The following TMED3 variants were observed in gnomAD, a reference collection of about 807,000 sequenced individuals.
TMED3 encodes the protein transmembrane p24 trafficking protein 3, also known as transmembrane emp24 domain-containing protein 3.
A neutral mutation model predicts 15.0 loss-of-function variants in TMED3; 9 were observed. The ratio of observed to expected loss-of-function variants is 0.60; its 90% CI spans 0.36 to 1.04. The LOEUF is 1.04. Among genes scored for constraint, TMED3 ranks in the 50% least tolerant of loss-of-function variants. The probability of loss-of-function intolerance (pLI) is 0.01; values close to 1 mark genes in which losing one functional copy is unlikely to be tolerated. For missense variants in TMED3, 267 were observed against 278.9 expected, an observed-to-expected ratio of 0.96 and a Z score of 0.30; for synonymous variants, 117 against 121.4, an observed-to-expected ratio of 0.96 and a Z score of 0.24.
At chr15:79,353,267 T>C (rs1468866655) in intron 2 of TMED3, among the ~76,000 whole-genome samples, 98 of 59,312 alleles carry the variant, frequency 1.7e-3, no homozygotes, top group African/African-American at 4.2e-3. Context: ...ATATATTATA[T>C]ATAATATATA....
chr15:79,332,014 C>T (rs2058811235), intron 2 of TMED3, among the ~76,000 whole-genome samples: 1 of 152,158 alleles, frequency 6.6e-6, no homozygotes, highest in African/African-American at 2.4e-5. Flanking sequence ...GATTGTACCA[C>T]TGCACTCCAG....
At chr15:79,351,805 C>G (rs932154325) in intron 2 of TMED3, among the ~76,000 whole-genome samples, 17 of 152,054 alleles carry the variant, frequency 1.1e-4, no homozygotes, top group Non-Finnish European at 1.5e-4. Flanking sequence ...TTCACAATTG[C>G]AAAAATTTAG....
At chr15:79,411,373 A>G in intron 2 of TMED3, 1 of 701,964 alleles carries the variant, frequency 1.4e-6, no homozygotes. Flanking sequence ...CATCCTTTAA[A>G]TCTTTTTATC....
At chr15:79,351,621 T>A (rs1487866653) in intron 2 of TMED3, among the ~76,000 whole-genome samples, 1 of 152,170 alleles carries the variant, frequency 6.6e-6, no homozygotes, top group Non-Finnish European at 1.5e-5. Flanking sequence ...TTTACACTAT[T>A]GGTGGAAACG....
chr15:79,411,890 G>A (rs1893986206), exon 3 of TMED3: 2 of 188,392 alleles, frequency 1.1e-5, no homozygotes, highest in Admixed American at 1.1e-4. Context: ...AACCCTAGGG[G>A]GACTGTTGAA....
downstream of TMED3, among the ~76,000 whole-genome samples, chr15:79,327,123 C>T (rs1350135943): frequency 6.6e-6 from 1 of 152,170 alleles, no homozygotes; most frequent in African/African-American, 2.4e-5. Flanking sequence ...GATCTGCCCC[C>T]ATGGCCCAAA....
intron 2 of TMED3, among the ~76,000 whole-genome samples, chr15:79,349,361 A>C (rs1265775649): frequency 2.0e-5 from 3 of 152,166 alleles, no homozygotes; most frequent in Non-Finnish European, 2.9e-5. Flanking sequence ...TTTAAAGTAT[A>C]AGATACTTTT....
chr15:79,339,436 G>A (rs990441147), intron 2 of TMED3, among the ~76,000 whole-genome samples: 19 of 152,040 alleles, frequency 1.2e-4, no homozygotes, highest in South Asian at 4.1e-4. Context: ...CTCCGCACAC[G>A]GGGAGAGACC....
At chr15:79,370,567 C>G (rs146768309) in intron 2 of TMED3, among the ~76,000 whole-genome samples, 1 of 152,202 alleles carries the variant, frequency 6.6e-6, no homozygotes, top group African/African-American at 2.4e-5. Flanking sequence ...AGAGTGGTTT[C>G]TGTTTTCCTA....
chr15:79,324,037 C>G (rs185412982), downstream of TMED3, among the ~76,000 whole-genome samples: 703 of 152,282 alleles, frequency 4.6e-3, 2 homozygotes, highest in Middle Eastern at 0.014. Flanking sequence ...GTCGCCCAGG[C>G]TGGAGTGCAG....
At chr15:79,322,994 C>A, downstream of TMED3, 1 of 741,002 alleles carries the variant, frequency 1.3e-6, no homozygotes, top group Non-Finnish European at 1.6e-6. Context: ...CAAGAAATGA[C>A]TCCTCCCAGG....
chr15:79,373,286 G>A (rs59658494), intron 2 of TMED3, among the ~76,000 whole-genome samples: 2,845 of 152,290 alleles, frequency 0.019, 92 homozygotes, highest in African/African-American at 0.065. Flanking sequence ...GCTAGTCTGG[G>A]AACTTTGTCA....
chr15:79,357,114 A>G lies in TMED3; in HGVS notation c.417+43109A>G, dbSNP rs542649478. On this transcript the variant is annotated intron_variant, in intron 2 of 2. Transcript: ENST00000424155. ...TTTATATGTGTATGAGCATTTGAAA[A>G]GATACACCAGCTTAATAGCTAATAC... 1.8e-3 allele frequency among the ~76,000 whole-genome samples: 279 copies of G among 152,318 alleles called. 4 individuals carry two copies. Among genetic ancestry groups the G allele is most frequent in the African/African-American group, 6.4e-3 (264 of 41,558 alleles).
chr15:79,340,289 G>A (rs2058846913), intron 2 of TMED3, among the ~76,000 whole-genome samples: 1 of 152,218 alleles, frequency 6.6e-6, no homozygotes, highest in South Asian at 2.1e-4. Context: ...CTGCTCCTCA[G>A]CAGGGAGAAG....
At chr15:79,362,669 C>G (rs1169786035) in intron 2 of TMED3, among the ~76,000 whole-genome samples, 5 of 152,040 alleles carry the variant, frequency 3.3e-5, no homozygotes, top group African/African-American at 9.7e-5. Flanking sequence ...CTGTGCTGTC[C>G]TCATGATAGT....
At chr15:79,367,824 G>A (rs1893265600) in intron 2 of TMED3, among the ~76,000 whole-genome samples, 1 of 152,208 alleles carries the variant, frequency 6.6e-6, no homozygotes, top group Non-Finnish European at 1.5e-5. Flanking sequence ...TTGAAACAGG[G>A]TCTTACAGAT....
chr15:79,385,605 C>T (rs1339988895), intron 2 of TMED3, among the ~76,000 whole-genome samples: 2 of 152,312 alleles, frequency 1.3e-5, no homozygotes, highest in East Asian at 1.9e-4. Context: ...CCCAGGTCTG[C>T]AGTCACTGGT....
chr15:79,333,449 C>T (rs1238350698), intron 2 of TMED3, among the ~76,000 whole-genome samples: 4 of 152,144 alleles, frequency 2.6e-5, no homozygotes, highest in East Asian at 1.9e-4. Flanking sequence ...TAGACATAAG[C>T]GTTTGTATGC....
chr15:79,347,593 T>A (rs1439263128), intron 2 of TMED3, among the ~76,000 whole-genome samples: 1 of 152,154 alleles, frequency 6.6e-6, no homozygotes, highest in Non-Finnish European at 1.5e-5. Context: ...AGTCAAACTA[T>A]CCTTGTTTGC....
Sources: allele counts gnomAD v4.1 joint callset (sites outside exome capture counted in the v4.1 genomes callset), GRCh38; gene constraint gnomAD v4.1.1; transcripts MANE v1.5; gene names NCBI Gene and HGNC (gene_info 2026-07-23, HGNC 2026-07-21).